Variants in C3orf70 observed in about 807,000 individuals in gnomAD.
C3orf70 encodes chromosome 3 open reading frame 70.
In C3orf70, 15 loss-of-function variants were observed where a neutral mutation model predicts 20.7. The ratio of observed to expected loss-of-function variants is 0.72; its 90% confidence interval spans 0.48 to 1.11. The LOEUF is 1.11. Among genes scored for constraint, C3orf70 ranks in the 50% most tolerant of loss-of-function variants. The pLI, the probability that C3orf70 is intolerant of heterozygous loss-of-function variation, is 0.00. For missense variants in C3orf70, 332 were observed against 317.6 expected (o/e 1.05, Z -0.34); for synonymous variants, 161 against 125.7 (o/e 1.28, Z -1.88).
rs60241057 is a variant in C3orf70 at position 185,079,280 on chromosome 3, C to CAAAAAAAAAAAAAAAAAAAAAAAAAAAA, written c.*3726_*3727insTTTTTTTTTTTTTTTTTTTTTTTTTTTT. The CAAAAAAAAAAAAAAAAAAAAAAAAAAAA allele has an allele frequency of 2.2e-4, 11 of 50,628 alleles. No individual in the cohort carries two copies. The highest frequency in any genetic ancestry group is 3.9e-4 in the Non-Finnish European group (9 of 23,012). The allele number at this position is 50,628 out of a possible 1,614,324, so 3.1% of individuals were successfully genotyped here. A position where few individuals can be genotyped will look rare whatever the true frequency, so the allele number is the denominator to read the frequency against. ...TGGGTGAAGGAGCGAGACTCTGTCTCAAAAAAAAAAAAAAAAAAAAAAAAG... is the reference window on the plus strand; with the variant it reads ...TGGGTGAAGGAGCGAGACTCTGTCTCAAAAAAAAAAAAAAAAAAAAAAAAAAAAAAAAAAAAAAAAAAAAAAAAAAAAG... On this transcript the variant is annotated 3_prime_UTR_variant, in exon 2 of 2. Transcript: ENST00000335012.
At chr3:185,094,660 A>T (rs73885684) in intron 1 of C3orf70, among the ~76,000 whole-genome samples, 6,663 of 142,324 alleles carry the variant, frequency 0.047, 458 homozygotes, top group African/African-American at 0.16. Context: ...CTGGTAGATT[A>T]AAAAAAAAAA....
In C3orf70 at chr3:185,152,716, C is replaced by G; in HGVS notation, c.108G>C (p.Gln36His). ...RSCAARRPDF[Q>H]PCDGLSICAT... The stretch of plus-strand genomic sequence containing the variant: ...CACAGATAGACAGCCCGTCGCACGG[C>G]TGGAAGTCGGGTCTGCGGGCGGCGC... The change falls in exon 1 of 2, where the codon CAG (glutamine) becomes CAC (histidine). Residue 36 changes from glutamine (Q) to histidine (H), a missense_variant. Gln to His is a conservative substitution (Grantham distance 24, BLOSUM62 0). Coordinates refer to ENST00000335012, the MANE Select transcript of C3orf70 (RefSeq NM_001025266.3). 6.3e-7 allele frequency: 1 copy of G among 1,594,074 alleles called. No homozygotes were observed. The highest frequency in any genetic ancestry group is 8.5e-7 in the Non-Finnish European group (1 of 1,170,960).
At chr3:185,116,875 T>C (rs1240636207) in intron 1 of C3orf70, among the ~76,000 whole-genome samples, 1 of 150,714 alleles carries the variant, frequency 6.6e-6, no homozygotes, top group Admixed American at 6.6e-5. Context: ...GCCTTAGGGG[T>C]TCACGCCATT....
chr3:185,128,676 T>G (rs1055107513), intron 1 of C3orf70, among the ~76,000 whole-genome samples: 1 of 152,244 alleles, frequency 6.6e-6, no homozygotes, highest in African/African-American at 2.4e-5. Context: ...ATGATAATGT[T>G]GACAATTTCT....
In C3orf70 at chr3:185,077,270, G is replaced by T. The variant is rs1446424433; in HGVS notation, c.*5737C>A. On this transcript the variant is annotated 3_prime_UTR_variant, in exon 2 of 2. Transcript: ENST00000335012. ...GTGGGAAGGTATCTGCTGGGTTAGG[G>T]GGATGGAGTAATGCAGACAATGGGC... Among the ~76,000 whole-genome samples, 2 of 152,126 alleles carry T rather than the reference G, an allele frequency of 1.3e-5. No homozygotes were observed. The highest frequency in any genetic ancestry group is 2.4e-5 in the African/African-American group (1 of 41,400).
intron 1 of C3orf70, among the ~76,000 whole-genome samples, chr3:185,128,465 T>C (rs974799428): frequency 6.6e-6 from 1 of 151,646 alleles, no homozygotes; most frequent in Non-Finnish European, 1.5e-5. Flanking sequence ...GAAGCAGAGG[T>C]TGCAGTGAGC....
chr3:185,117,347 GA>G (rs75986187), intron 1 of C3orf70, among the ~76,000 whole-genome samples: 24,608 of 151,590 alleles, frequency 0.16, 2,695 homozygotes, highest in East Asian at 0.42. Context: ...AGATCTGTGA[GA>G]AATCTTTAGA....
In C3orf70 at chr3:185,078,974, A is replaced by G. The variant is rs1457230390; in HGVS notation, c.*4033T>C. On this transcript the variant is annotated 3_prime_UTR_variant, in exon 2 of 2. Coordinates refer to ENST00000335012, the MANE Select transcript of C3orf70 (RefSeq NM_001025266.3). ...TACTTGTGATGGTTCAAATAGACCA[A>G]GAAGTGGAGGATTAGAAGTAAAGCC... 4 of 152,162 alleles carry G rather than the reference A, an allele frequency of 2.6e-5. No individual in the cohort carries two copies. Among genetic ancestry groups the G allele is most frequent in the African/African-American group, 9.7e-5 (4 of 41,434 alleles). 9.4% of individuals were successfully genotyped at this position (152,162 alleles called of 1,614,324 possible).
At chr3:185,095,008 T>TA (rs1715672923) in intron 1 of C3orf70, among the ~76,000 whole-genome samples, 1 of 152,086 alleles carries the variant, frequency 6.6e-6, no homozygotes, top group Admixed American at 6.5e-5. Context: ...GAAAGAGGCA[T>TA]AAATAGGGGA....
At chr3:185,117,618 C>A (rs1021150438) in intron 1 of C3orf70, among the ~76,000 whole-genome samples, 1 of 152,184 alleles carries the variant, frequency 6.6e-6, no homozygotes, top group Non-Finnish European at 1.5e-5. Context: ...TCAAGAAGAT[C>A]CTTCTAAAAC....
chr3:185,094,074 G>GTT (rs71162282), intron 1 of C3orf70, among the ~76,000 whole-genome samples: 15,371 of 80,876 alleles, frequency 0.19, 1,613 homozygotes, highest in Non-Finnish European at 0.22. Context: ...ATACCCTGGG[G>GTT]TTTTTTTTTT....
Position 185,139,144 on chromosome 3 carries a change from A to G in C3orf70, c.196+13484T>C, listed in dbSNP as rs4686524. On this transcript the variant is annotated intron_variant, in intron 1 of 1. Transcript: ENST00000335012. ...GAGCAGGAGGGGGAGCGGGAGGAGG[A>G]AGGAGGAGGAGGAAGGAGGAGCAGA... 3.3e-4 allele frequency among the ~76,000 whole-genome samples: 49 copies of G among 149,720 alleles called. No homozygotes were observed. In the East Asian group the frequency reaches 9.6e-3, roughly 29 times the overall value.
intron 1 of C3orf70, among the ~76,000 whole-genome samples, chr3:185,113,034 T>G (rs542077361): frequency 6.6e-6 from 1 of 152,334 alleles, no homozygotes; most frequent in East Asian, 1.9e-4. Context: ...CCATTTGACA[T>G]GCACATAAAT....
chr3:185,133,703 T>G (rs180869070), intron 1 of C3orf70, among the ~76,000 whole-genome samples: 26 of 152,302 alleles, frequency 1.7e-4, no homozygotes, highest in African/African-American at 5.8e-4. Context: ...CAGATCACAC[T>G]ACTGCACTGC....
intron 1 of C3orf70, among the ~76,000 whole-genome samples, chr3:185,137,344 C>T (rs993679503): frequency 2.0e-5 from 3 of 152,092 alleles, no homozygotes; most frequent in Admixed American, 6.5e-5. Flanking sequence ...TTATCAGCTG[C>T]GTGAAAACGA....
At chr3:185,095,643 A>G (rs183146101) in intron 1 of C3orf70, among the ~76,000 whole-genome samples, 2 of 152,306 alleles carry the variant, frequency 1.3e-5, no homozygotes, top group Non-Finnish European at 2.9e-5. Context: ...TTAAAAGATT[A>G]ACTTAGTTAA....
chr3:185,143,912 T>C (rs1026651947), intron 1 of C3orf70, among the ~76,000 whole-genome samples: 14 of 151,976 alleles, frequency 9.2e-5, no homozygotes, highest in Non-Finnish European at 2.1e-4. Context: ...TGTCCATTGC[T>C]TAACAATGGA....
chr3:185,112,703 G>C (rs1004486424), intron 1 of C3orf70, among the ~76,000 whole-genome samples: 5 of 152,088 alleles, frequency 3.3e-5, no homozygotes, highest in Non-Finnish European at 5.9e-5. Flanking sequence ...CTAGTTAAAA[G>C]ATAAAACTAT....
Position 185,142,769 on chromosome 3 carries a change from C to T in C3orf70, c.196+9859G>A, listed in dbSNP as rs77230282. 4.6e-5 allele frequency among the ~76,000 whole-genome samples: 7 copies of T among 152,316 alleles called. No homozygotes were observed. The East Asian group carries it at 1.3e-3, about 29-fold the overall frequency. ...ACCTTAGCCTTGGCAGAACAAGACA[C>T]ATGATGTGTTTTCTCATGTGATGCT... On this transcript the variant is annotated intron_variant, in intron 1 of 1. Transcript: ENST00000335012.
Sources: allele counts gnomAD v4.1 joint callset (sites outside exome capture counted in the v4.1 genomes callset), GRCh38; gene constraint gnomAD v4.1.1; transcripts MANE v1.5; gene names NCBI Gene and HGNC (gene_info 2026-07-23, HGNC 2026-07-21).